The following ANO3 variants were observed in gnomAD, a reference collection of about 807,000 sequenced individuals.
The protein encoded by ANO3 is anoctamin-3.
ANO3 carries 99 observed loss-of-function variants against 144.8 expected under a neutral mutation model. The ratio of observed to expected loss-of-function variants is 0.68; its 90% CI spans 0.58 to 0.81. The LOEUF (loss-of-function observed/expected upper bound fraction) is 0.81, where lower values mean the gene tolerates loss of function less well. Ranked by LOEUF, ANO3 falls within the 30% of genes least tolerant of loss-of-function variation. The probability of loss-of-function intolerance (pLI) is 0.00; values close to 1 mark genes in which losing one functional copy is unlikely to be tolerated. For synonymous variants in ANO3, 414 were observed against 392.6 expected, an observed-to-expected ratio of 1.05 and a Z score of -0.64; for missense variants, 905 against 1,202.2, an observed-to-expected ratio of 0.75 and a Z score of 3.66.
chr11:26,591,247 G>A (rs996735431), intron 14 of ANO3, among the ~76,000 whole-genome samples: 2 of 152,144 alleles, frequency 1.3e-5, no homozygotes, highest in African/African-American at 4.8e-5. Context: ...ATGTTGGGGA[G>A]GTTGGCCAAC....
chr11:26,302,363 C>T (rs745586849), intron 1 of ANO3, among the ~76,000 whole-genome samples: 6 of 152,048 alleles, frequency 3.9e-5, no homozygotes, highest in Non-Finnish European at 5.9e-5. Flanking sequence ...GGCATGGTGA[C>T]GCACGCCTGT....
At chr11:26,510,148 A>G (rs1351631801) in intron 5 of ANO3, among the ~76,000 whole-genome samples, 8 of 147,272 alleles carry the variant, frequency 5.4e-5, no homozygotes, top group African/African-American at 5.1e-5. Context: ...AAAAAAAAAA[A>G]AAAAAGAGTA....
intron 1 of ANO3, among the ~76,000 whole-genome samples, chr11:26,364,605 C>T (rs940192832): frequency 1.3e-5 from 2 of 152,182 alleles, no homozygotes; most frequent in African/African-American, 2.4e-5. Flanking sequence ...AGTCTCATTA[C>T]ATGGTGAAAG....
chr11:26,571,599 G>A (rs1850830444), intron 14 of ANO3, among the ~76,000 whole-genome samples: 1 of 151,908 alleles, frequency 6.6e-6, no homozygotes, highest in Admixed American at 6.6e-5. Flanking sequence ...AATACTTAAA[G>A]CAAAAACCTC....
At chr11:26,324,275 G>T (rs1854831384) in intron 1 of ANO3, among the ~76,000 whole-genome samples, 1 of 152,172 alleles carries the variant, frequency 6.6e-6, no homozygotes, top group South Asian at 2.1e-4. Context: ...TGTTTGTGGA[G>T]CTGGGCATAT....
chr11:26,364,519 G>C (rs1856010573), intron 1 of ANO3, among the ~76,000 whole-genome samples: 1 of 152,192 alleles, frequency 6.6e-6, no homozygotes, highest in Non-Finnish European at 1.5e-5. Context: ...TTTACAGGAA[G>C]CATGGCTTTG....
At chr11:26,526,279 A>G (rs1272130906) in intron 7 of ANO3, among the ~76,000 whole-genome samples, 1 of 152,166 alleles carries the variant, frequency 6.6e-6, no homozygotes, top group African/African-American at 2.4e-5. Flanking sequence ...GAGTCAATCA[A>G]ACCACTACCC....
intron 1 of ANO3, among the ~76,000 whole-genome samples, chr11:26,389,123 A>G (rs1856811384): frequency 6.6e-6 from 1 of 152,180 alleles, no homozygotes; most frequent in African/African-American, 2.4e-5. Flanking sequence ...GTGTTAACCT[A>G]TAAACTCACA....
At chr11:26,621,253 T>C (rs1252184976) in intron 17 of ANO3, among the ~76,000 whole-genome samples, 1 of 152,110 alleles carries the variant, frequency 6.6e-6, no homozygotes, top group Non-Finnish European at 1.5e-5. Flanking sequence ...CCAAAATGCT[T>C]ACCATGGCCT....
At chr11:26,521,726 A>T (rs1862084211) in intron 6 of ANO3, among the ~76,000 whole-genome samples, 1 of 152,124 alleles carries the variant, frequency 6.6e-6, no homozygotes, top group Non-Finnish European at 1.5e-5. Context: ...ATTCCTATTC[A>T]TGCTTACCTC....
In ANO3 at chr11:26,641,890, A is replaced by G. The variant is rs758564696; in HGVS notation, c.2142-6A>G. The stretch of plus-strand genomic sequence containing the variant: ...TCAAAAGTCCTTGGTCTGCTCTGTG[A>G]TGTAGGTTGATCCAGAACTGGTGGT... On this transcript the variant is annotated splice_polypyrimidine_tract_variant and splice_region_variant and intron_variant, in intron 21 of 26. Coordinates refer to ENST00000256737, the MANE Select transcript of ANO3 (RefSeq NM_031418.4). 2.5e-6 allele frequency: 4 copies of G among 1,613,876 alleles called. No homozygotes were observed. The South Asian group carries it at 4.4e-5, about 18-fold the overall frequency.
intron 17 of ANO3, among the ~76,000 whole-genome samples, chr11:26,609,405 G>A (rs1003662049): frequency 6.6e-6 from 1 of 150,482 alleles, no homozygotes; most frequent in African/African-American, 2.5e-5. Context: ...ATATCCTGCA[G>A]GATATCACAT....
At chr11:26,366,664 G>A (rs575754351) in intron 1 of ANO3, among the ~76,000 whole-genome samples, 18 of 152,092 alleles carry the variant, frequency 1.2e-4, no homozygotes, top group Admixed American at 1.1e-3. Context: ...TTTAATGATT[G>A]CCATTCTAAC....
At chr11:26,300,857 T>C (rs1167476370) in intron 1 of ANO3, among the ~76,000 whole-genome samples, 37 of 104,950 alleles carry the variant, frequency 3.5e-4, no homozygotes, top group Non-Finnish European at 6.6e-4. Context: ...TTTTTTTTCT[T>C]TTTTTTTTTT....
At chr11:26,452,609 A>G (rs867289904) in intron 3 of ANO3, among the ~76,000 whole-genome samples, 130 of 152,324 alleles carry the variant, frequency 8.5e-4, no homozygotes, top group Middle Eastern at 6.8e-3. Flanking sequence ...TCTGATTGGT[A>G]TACCTGAAAG....
intron 1 of ANO3, among the ~76,000 whole-genome samples, chr11:26,397,041 A>G (rs1236481206): frequency 7.2e-6 from 1 of 139,366 alleles, no homozygotes; most frequent in Non-Finnish European, 1.6e-5. Context: ...TATTCCCTGC[A>G]GCCAGAAGGC....
chr11:26,347,177 T>C (rs945074370), intron 1 of ANO3, among the ~76,000 whole-genome samples: 3 of 152,232 alleles, frequency 2.0e-5, no homozygotes, highest in Admixed American at 6.5e-5. Flanking sequence ...AAAACTGGAC[T>C]CTTACATGTG....
intron 1 of ANO3, among the ~76,000 whole-genome samples, chr11:26,406,664 A>G (rs1294842188): frequency 6.9e-6 from 1 of 144,196 alleles, no homozygotes; most frequent in Non-Finnish European, 1.5e-5. Context: ...AAGGGGTCCA[A>G]TAATCTATGG....
chr11:26,320,597 C>G (rs1423616943), intron 1 of ANO3, among the ~76,000 whole-genome samples: 1 of 151,966 alleles, frequency 6.6e-6, no homozygotes, highest in Non-Finnish European at 1.5e-5. Flanking sequence ...TTATTAATTT[C>G]TTGGTTGTCT....
Sources: gnomAD v4.1 joint callset for allele counts (sites outside exome capture counted in the v4.1 genomes callset) on GRCh38, gnomAD v4.1.1 for gene constraint, MANE v1.5 for transcripts, NCBI Gene and HGNC (gene_info 2026-07-23, HGNC 2026-07-21) for gene names.